PYGB: variants seen among roughly 807,000 people sequenced by gnomAD.
The protein encoded by PYGB is glycogen phosphorylase B, also known as glycogen phosphorylase, brain form.
PYGB carries 82 observed loss-of-function variants against 94.3 expected under a neutral mutation model. The ratio of observed to expected loss-of-function variants is 0.87; its 90% CI spans 0.73 to 1.04. PYGB has a LOEUF of 1.04. PYGB is among the 50% of genes least tolerant of loss of function. The pLI, the probability that PYGB is intolerant of heterozygous loss-of-function variation, is 0.00. For missense variants in PYGB, 1,132 were observed against 1,158.2 expected (o/e 0.98, Z 0.33); for synonymous variants, 488 against 479.1 (o/e 1.02, Z -0.24).
chr20:25,295,592 C>G lies in PYGB; in HGVS notation c.2313-12C>G, dbSNP rs201610602. ...CTGCTGCCCTGGCCCAGCCTCCTTT[C>G]TCCCATTCCAGGTTCAAGGTGTTTG... On this transcript the variant is annotated splice_polypyrimidine_tract_variant and intron_variant, in intron 18 of 19. Coordinates refer to ENST00000216962, the MANE Select transcript of PYGB (RefSeq NM_002862.4). 3 of 1,613,148 alleles carry G rather than the reference C, an allele frequency of 1.9e-6. No individual in the cohort carries two copies. The highest frequency in any genetic ancestry group is 2.5e-6 in the Non-Finnish European group (3 of 1,179,302).
At chr20:25,255,809 C>T (rs1341766190) in intron 1 of PYGB, among the ~76,000 whole-genome samples, 2 of 151,902 alleles carry the variant, frequency 1.3e-5, no homozygotes, top group Non-Finnish European at 2.9e-5. Context: ...TCTCTACTCA[C>T]TGCAACCTCC....
chr20:25,278,171 G>A, intron 7 of PYGB, 148 bp from the exon 8 acceptor site: 12 of 910,690 alleles, frequency 1.3e-5, no homozygotes, highest in Non-Finnish European at 1.9e-5. Context: ...GTGACCTGAG[G>A]GCACACAGGC....
chr20:25,295,269 T>G (rs1281562437), intron 18 of PYGB, among the ~76,000 whole-genome samples: 2 of 152,254 alleles, frequency 1.3e-5, no homozygotes, highest in Non-Finnish European at 2.9e-5. Context: ...CCATGGGCTC[T>G]CCACTGTCTG....
At chr20:25,288,636 G>A in intron 15 of PYGB, 153 bp downstream of exon 15, 1 of 854,870 alleles carries the variant, frequency 1.2e-6, no homozygotes, top group Non-Finnish European at 1.8e-6. Flanking sequence ...TGGGGGTGGG[G>A]ACCCTGTAGA....
intron 12 of PYGB, 141 bp from the exon 13 acceptor site, chr20:25,283,035 G>T (rs2088382653): frequency 1.2e-5 from 8 of 677,928 alleles, no homozygotes; most frequent in Non-Finnish European, 1.5e-5. Flanking sequence ...GGCCTGAGAG[G>T]TGGGATGCCC....
intron 5 of PYGB, among the ~76,000 whole-genome samples, chr20:25,275,962 A>G (rs11697384): frequency 0.29 from 44,771 of 152,126 alleles, 7,324 homozygotes; most frequent in East Asian, 0.78. Flanking sequence ...GATGAACCCA[A>G]GCATCCCTGA....
intron 11 of PYGB, among the ~76,000 whole-genome samples, chr20:25,281,816 C>T (rs549739697): frequency 1.0e-3 from 153 of 152,312 alleles, no homozygotes; most frequent in Admixed American, 6.9e-3. Flanking sequence ...TTGGGCAAAC[C>T]GCACAGCCAG....
At chr20:25,248,547 C>A in intron 1 of PYGB, 126 bp downstream of exon 1, 1 of 1,173,598 alleles carries the variant, frequency 8.5e-7, no homozygotes, top group Non-Finnish European at 1.1e-6. Flanking sequence ...CGGCCGGCGG[C>A]CAGGCACAGC....
chr20:25,279,972 CAG>C (rs749388206), intron 9 of PYGB, among the ~76,000 whole-genome samples: 1 of 152,348 alleles, frequency 6.6e-6, no homozygotes, highest in Admixed American at 6.5e-5. Flanking sequence ...CCAGTGACGG[CAG>C]AGTGTGAAGG....
In PYGB at chr20:25,271,333, C is replaced by T. The variant is rs183964108; in HGVS notation, c.425-50C>T. On this transcript the variant is annotated intron_variant, in intron 3 of 19. Coordinates refer to ENST00000216962, the MANE Select transcript of PYGB (RefSeq NM_002862.4). ...CCCTGTGGGCTGCCTCCGCATGGGA[C>T]CTTGGTGCCGTGCCTTTGATTCTGA... 2.5e-6 allele frequency: 4 copies of T among 1,572,800 alleles called. No homozygotes were observed. In the African/African-American group the frequency reaches 5.4e-5, roughly 21 times the overall value.
chr20:25,248,207 A>G lies in PYGB; in HGVS notation c.29A>G (p.Lys10Arg). MAKPLTDSE[K>R]RKQISVRGLA... is the part of the protein sequence containing the mutation. ...GCGAAGCCGCTGACGGACAGCGAGA[A>G]GCGGAAGCAGATCAGCGTGCGCGGC... The change falls in exon 1 of 20, where the codon AAG becomes AGG. Residue 10 changes from lysine to arginine, a missense_variant. Physicochemically the swap from Lys to Arg is conservative, Grantham distance 26. Transcript: ENST00000216962. The G allele has an allele frequency of 1.3e-6, 2 of 1,592,624 alleles. No homozygotes were observed. Among genetic ancestry groups the G allele is most frequent in the Non-Finnish European group, 1.7e-6 (2 of 1,170,238 alleles).
intron 16 of PYGB, 46 bp from the exon 17 acceptor site, chr20:25,292,360 C>T: frequency 6.3e-7 from 1 of 1,598,966 alleles, no homozygotes; most frequent in African/African-American, 1.3e-5. Flanking sequence ...CGGCTGAGGA[C>T]ATTGGGGTCC....
At position 25,269,047 on chromosome 20, in the gene PYGB, C is replaced by G. The variant is rs2088243174; in HGVS notation, c.346-82C>G. On this transcript the variant is annotated intron_variant, in intron 2 of 19. Coordinates refer to ENST00000216962, the MANE Select transcript of PYGB (RefSeq NM_002862.4). ...GACTCTAACTTTTAGCATAAGCTCACAAGACTTACACATCTTTCAGCCTGT... is the reference window on the plus strand; with the variant it reads ...GACTCTAACTTTTAGCATAAGCTCAGAAGACTTACACATCTTTCAGCCTGT... The G allele has an allele frequency of 2.5e-6, 3 of 1,222,548 alleles. No individual in the cohort carries two copies. In the East Asian group the frequency reaches 7.0e-5, roughly 29 times the overall value. 75.7% of individuals were successfully genotyped at this position (1,222,548 alleles called of 1,614,324 possible).
Position 25,281,095 on chromosome 20 carries a change from G to A in PYGB, c.1386G>A (p.Glu462=), listed in dbSNP as rs532644008. The part of the protein sequence containing the change: ...AVNGVARIHS[E]IVKQSVFKDF... ...ATGGTGTGGCGAGGATCCACTCGGA[G>A]ATCGTGAAACAGTCGGTGTGAGTGG... Residue 462 remains glutamate (E), a synonymous_variant, in exon 11 of 20, where the codon GAG becomes GAA. Coordinates refer to ENST00000216962, the MANE Select transcript of PYGB (RefSeq NM_002862.4). 6.2e-7 allele frequency: 1 copy of A among 1,614,184 alleles called. No individual in the cohort carries two copies. Among genetic ancestry groups the A allele is most frequent in the South Asian group, 1.1e-5 (1 of 91,080 alleles).
At chr20:25,267,957 G>A (rs998689248) in intron 2 of PYGB, among the ~76,000 whole-genome samples, 4 of 152,114 alleles carry the variant, frequency 2.6e-5, no homozygotes, top group African/African-American at 7.2e-5. Context: ...ATGTTGACTC[G>A]TAGCCTATCT....
chr20:25,277,290 T>C lies in PYGB; in HGVS notation c.819T>C (p.Ala273=). 2 of 1,584,122 alleles carry C rather than the reference T, an allele frequency of 1.3e-6. No homozygotes were observed. The highest frequency in any genetic ancestry group is 1.7e-4 in the Middle Eastern group (1 of 6,014). The change falls in exon 7 of 20, where the codon GCT becomes GCC. Residue 273 remains alanine (A), a synonymous_variant. Transcript: ENST00000216962. ...AGGCGGTCCTGGACCGGAACTTGGC[T>C]GAGAACATCTCCAGGGTCCTGTATC... The part of the protein sequence containing the change: ...YIEAVLDRNL[A]ENISRVLYPN...
At position 25,269,190 on chromosome 20, in the gene PYGB, G is replaced by T. The variant is rs201755872; in HGVS notation, c.407G>T (p.Gly136Val). 4.8e-5 allele frequency: 76 copies of T among 1,594,570 alleles called. No homozygotes were observed. The highest frequency in any genetic ancestry group is 2.2e-5 in the Non-Finnish European group (26 of 1,162,780). ...GAAGATGCTGGCCTTGGGAATGGAG[G>T]CCTGGGGAGGCTGGCAGGTAAGTTG... ...IEEDAGLGNG[G>V]LGRLAACFLD... Residue 136 changes from glycine to valine, a missense_variant, in exon 3 of 20, where the codon GGC (glycine) becomes GTC (valine). By Grantham distance (109) the Gly-to-Val change is moderately radical. Coordinates refer to ENST00000216962, the MANE Select transcript of PYGB (RefSeq NM_002862.4).
rs768026873 is a variant in PYGB at position 25,288,429 on chromosome 20, C to T, written c.1773C>T (p.Ile591=). The change falls in exon 15 of 20, where the codon ATC becomes ATT. Residue 591 remains isoleucine, a synonymous_variant. Coordinates refer to ENST00000216962, the MANE Select transcript of PYGB (RefSeq NM_002862.4). Reference sequence around the variant, plus strand: ...TCTCTTCCGTGTGTCCTGCAGGAATCAAGAGAGACCCGGCCAAGGCTTTTG... The same window carrying T: ...TCTCTTCCGTGTGTCCTGCAGGAATTAAGAGAGACCCGGCCAAGGCTTTTG... The part of the protein sequence containing the change: ...CLHVVTLYNR[I]KRDPAKAFVP... 6.2e-7 allele frequency: 1 copy of T among 1,614,138 alleles called. No homozygotes were observed.
rs369210768 is a variant in PYGB at position 25,295,058 on chromosome 20, T to G, written c.2313-546T>G. On this transcript the variant is annotated intron_variant, in intron 18 of 19. Coordinates refer to ENST00000216962, the MANE Select transcript of PYGB (RefSeq NM_002862.4). ...GTGATAAAGGAAGTGCTTTTAAAATTGTGAACTCTGCATTTCGTGAAGTGT... is the reference window on the plus strand; with the variant it reads ...GTGATAAAGGAAGTGCTTTTAAAATGGTGAACTCTGCATTTCGTGAAGTGT... 548 of 1,610,678 alleles carry G rather than the reference T, an allele frequency of 3.4e-4. 1 individual carries two copies. Among genetic ancestry groups the G allele is most frequent in the Non-Finnish European group, 4.1e-4 (481 of 1,176,796 alleles).
Sources: allele counts gnomAD v4.1 joint callset (sites outside exome capture counted in the v4.1 genomes callset), GRCh38; gene constraint gnomAD v4.1.1; transcripts MANE v1.5; gene names NCBI Gene and HGNC (gene_info 2026-07-23, HGNC 2026-07-21).